PRKCE: variants seen among roughly 807,000 people sequenced by gnomAD.
PRKCE encodes the protein protein kinase C epsilon.
PRKCE carries 16 observed loss-of-function variants against 85.4 expected under a neutral mutation model. That is an observed-to-expected ratio of 0.19 (90% CI 0.13 to 0.28). The LOEUF (loss-of-function observed/expected upper bound fraction) is 0.28, where lower values mean the gene tolerates loss of function less well. Among genes scored for constraint, PRKCE ranks in the 10% least tolerant of loss-of-function variants. PRKCE has a pLI of 1.00. For missense variants in PRKCE, 573 were observed against 975.2 expected, an observed-to-expected ratio of 0.59 and a Z score of 5.49; for synonymous variants, 388 against 371.5, an observed-to-expected ratio of 1.04 and a Z score of -0.51.
intron 1 of PRKCE, among the ~76,000 whole-genome samples, chr2:45,675,839 G>A (rs1676416451): frequency 6.6e-6 from 1 of 152,132 alleles, no homozygotes; most frequent in Admixed American, 6.5e-5. Flanking sequence ...GGTGAGAGGT[G>A]GCCTTCCACC....
chr2:45,669,468 G>C (rs1175874852), intron 1 of PRKCE, among the ~76,000 whole-genome samples: 1 of 152,228 alleles, frequency 6.6e-6, no homozygotes, highest in Non-Finnish European at 1.5e-5. Context: ...TTACCGCGCA[G>C]CGTGGCTGAA....
At chr2:46,009,332 CAT>C (rs1490371316) in intron 9 of PRKCE, among the ~76,000 whole-genome samples, 6 of 152,100 alleles carry the variant, frequency 3.9e-5, no homozygotes, top group South Asian at 2.1e-4. Flanking sequence ...TTATATATCA[CAT>C]GTGTATAAAT....
chr2:45,833,368 C>T (rs76982905), intron 1 of PRKCE, among the ~76,000 whole-genome samples: 129 of 152,172 alleles, frequency 8.5e-4, no homozygotes, highest in African/African-American at 3.0e-3. Flanking sequence ...TATCTCAATC[C>T]CAGCCCTGAA....
At chr2:45,988,126 T>C (rs1703484305) in intron 6 of PRKCE, among the ~76,000 whole-genome samples, 1 of 152,198 alleles carries the variant, frequency 6.6e-6, no homozygotes, top group South Asian at 2.1e-4. Flanking sequence ...TCTGTCTTGC[T>C]GGACCATGCT....
At chr2:45,731,780 C>T (rs898988062) in intron 1 of PRKCE, among the ~76,000 whole-genome samples, 2 of 152,020 alleles carry the variant, frequency 1.3e-5, no homozygotes, top group African/African-American at 2.4e-5. Flanking sequence ...TGTGCCACCA[C>T]ACCTGGCTAG....
intron 2 of PRKCE, among the ~76,000 whole-genome samples, chr2:45,923,340 C>T (rs1328085669): frequency 6.6e-6 from 1 of 152,218 alleles, no homozygotes; most frequent in Non-Finnish European, 1.5e-5. Flanking sequence ...AGGCATTCTG[C>T]TAACAAGCGT....
chr2:45,760,875 G>A (rs181653265), intron 1 of PRKCE, among the ~76,000 whole-genome samples: 62 of 152,186 alleles, frequency 4.1e-4, no homozygotes, highest in African/African-American at 1.3e-3. Context: ...AAAGGGAAAC[G>A]CACGTCTGAT....
At chr2:46,154,649 A>G (rs1277352032) in intron 13 of PRKCE, among the ~76,000 whole-genome samples, 1 of 150,702 alleles carries the variant, frequency 6.6e-6, no homozygotes. Flanking sequence ...CTGCTTCTCC[A>G]TCTCCTTTGC....
intron 10 of PRKCE, among the ~76,000 whole-genome samples, chr2:46,016,229 G>C (rs1706130436): frequency 6.6e-6 from 1 of 152,192 alleles, no homozygotes; most frequent in African/African-American, 2.4e-5. Context: ...ATCACTGCAA[G>C]ATGTGACAAG....
chr2:46,069,824 A>T (rs1418178909), intron 10 of PRKCE, among the ~76,000 whole-genome samples: 1 of 152,196 alleles, frequency 6.6e-6, no homozygotes, highest in Non-Finnish European at 1.5e-5. Flanking sequence ...TCCTGCTTTA[A>T]ATAGTTCCAG....
intron 10 of PRKCE, among the ~76,000 whole-genome samples, chr2:46,070,007 C>T (rs753726743): frequency 2.6e-5 from 4 of 152,190 alleles, no homozygotes; most frequent in African/African-American, 9.7e-5. Flanking sequence ...TTGAGTAGCA[C>T]GTGGGTCCTG....
intron 2 of PRKCE, among the ~76,000 whole-genome samples, chr2:45,876,218 G>A (rs977915690): frequency 5.9e-5 from 9 of 152,048 alleles, no homozygotes; most frequent in South Asian, 2.1e-4. Flanking sequence ...TGAAAATCTC[G>A]TCAAATCACT....
intron 2 of PRKCE, among the ~76,000 whole-genome samples, chr2:45,922,881 C>T (rs1162723535): frequency 2.0e-5 from 3 of 152,144 alleles, no homozygotes; most frequent in Non-Finnish European, 2.9e-5. Flanking sequence ...ATGTTAAATC[C>T]CTGTAACTTG....
At position 45,880,705 on chromosome 2, in the gene PRKCE, G is replaced by T. The variant is rs1233015452; in HGVS notation, c.412+37642G>T. On this transcript the variant is annotated intron_variant, in intron 2 of 14. Coordinates refer to ENST00000306156, the MANE Select transcript of PRKCE (RefSeq NM_005400.3). ...CGACAAATATCCGGCCTCTAGGAAA[G>T]AATGCAGCAGAGTATTTGTATGGGG... Among the ~76,000 whole-genome samples, 7 of 152,312 alleles carry T rather than the reference G, an allele frequency of 4.6e-5. No individual in the cohort carries two copies. The East Asian group carries it at 1.3e-3, about 29-fold the overall frequency.
intron 2 of PRKCE, among the ~76,000 whole-genome samples, chr2:45,970,428 A>G (rs551536559): frequency 8.1e-4 from 123 of 152,266 alleles, no homozygotes; most frequent in African/African-American, 2.9e-3. Context: ...TGGTCTTGCC[A>G]TTTAATCAGA....
chr2:45,915,384 A>G (rs894342367), intron 2 of PRKCE, among the ~76,000 whole-genome samples: 6 of 152,230 alleles, frequency 3.9e-5, no homozygotes, highest in Non-Finnish European at 7.3e-5. Flanking sequence ...TTTAAGATCG[A>G]TGGCATGAAC....
chr2:45,900,077 T>A (rs1696463520), intron 2 of PRKCE, among the ~76,000 whole-genome samples: 1 of 152,060 alleles, frequency 6.6e-6, no homozygotes. Flanking sequence ...GTGGGAACGG[T>A]TGCTTCGGAT....
At chr2:46,022,017 A>G (rs2104882086) in intron 10 of PRKCE, among the ~76,000 whole-genome samples, 1 of 152,214 alleles carries the variant, frequency 6.6e-6, no homozygotes, top group African/African-American at 2.4e-5. Flanking sequence ...GGTCTGAAAT[A>G]CTTCAGACAA....
At position 45,929,521 on chromosome 2, in the gene PRKCE, G is replaced by A. The variant is rs190782748; in HGVS notation, c.413-46908G>A. 1.3e-3 allele frequency among the ~76,000 whole-genome samples: 197 copies of A among 152,142 alleles called. 1 individual carries two copies. The highest frequency in any genetic ancestry group is 4.5e-3 in the African/African-American group (186 of 41,506). The stretch of plus-strand genomic sequence containing the variant: ...ATGCAGGAAACTGTTGCCCCTTCAG[G>A]GTAGAAGGAGGCAGTGTCTAGGTGG... On this transcript the variant is annotated intron_variant, in intron 2 of 14. Coordinates refer to ENST00000306156, the MANE Select transcript of PRKCE (RefSeq NM_005400.3).
Sources: gnomAD v4.1 joint callset for allele counts (sites outside exome capture counted in the v4.1 genomes callset) on GRCh38, gnomAD v4.1.1 for gene constraint, MANE v1.5 for transcripts, NCBI Gene and HGNC (gene_info 2026-07-23, HGNC 2026-07-21) for gene names.